The following FGF12 variants were observed in gnomAD, a reference collection of about 807,000 sequenced individuals.
The protein encoded by FGF12 is fibroblast growth factor 12.
Under a neutral mutation model 23.6 loss-of-function variants are expected in FGF12, and 14 were observed. The observed-to-expected ratio is 0.59, with a 90% CI of 0.39 to 0.93. The LOEUF is 0.93. Ranked by LOEUF, FGF12 falls within the 40% of genes least tolerant of loss-of-function variation. The pLI is 0.00. For missense variants in FGF12, 175 were observed against 217.8 expected (o/e 0.80, Z 1.24); for synonymous variants, 62 against 77.3 (o/e 0.80, Z 1.04).
intron 2 of FGF12, among the ~76,000 whole-genome samples, chr3:192,546,745 C>G (rs1725504110): frequency 9.4e-6 from 1 of 106,664 alleles, no homozygotes; most frequent in Non-Finnish European, 1.7e-5. Flanking sequence ...TAACCAATGA[C>G]TATTTACAAA....
intron 3 of FGF12, among the ~76,000 whole-genome samples, chr3:192,358,362 A>AAATTTATCTTAATAAAATATTAAGAT (rs1718568568): frequency 6.6e-6 from 1 of 151,134 alleles, no homozygotes; most frequent in Admixed American, 6.6e-5. Context: ...ACAATTTATT[A>AAATTTATCTTAATAAAATATTAAGAT]AATTTATCTT....
At chr3:192,147,250 G>A (rs529151422) in intron 5 of FGF12, among the ~76,000 whole-genome samples, 23 of 152,224 alleles carry the variant, frequency 1.5e-4, no homozygotes, top group Non-Finnish European at 2.8e-4. Context: ...ACAGGACCTA[G>A]GATTCAGTAA....
rs75940771 is a variant in FGF12, at chr3:192,263,650, G to A, written c.228+71711C>T. ...TTTTAATGCTCCATGAAGTTCTCAG[G>A]TGCAGCCAAGTTGAGAAACATTGAT... On this transcript the variant is annotated intron_variant, in intron 4 of 5. Transcript: ENST00000445105. Among the ~76,000 whole-genome samples the A allele has an allele frequency of 4.1e-3, 628 of 151,930 alleles. 22 individuals are homozygous for A. In the East Asian group the frequency reaches 0.09, roughly 22 times the overall value.
chr3:192,179,454 C>T (rs1716044590), intron 4 of FGF12, among the ~76,000 whole-genome samples: 1 of 152,028 alleles, frequency 6.6e-6, no homozygotes, highest in Non-Finnish European at 1.5e-5. Context: ...ATACTCAAAC[C>T]CTTGATTTTT....
At chr3:192,368,724 C>T (rs1719095227) in intron 2 of FGF12, among the ~76,000 whole-genome samples, 1 of 152,018 alleles carries the variant, frequency 6.6e-6, no homozygotes, top group South Asian at 2.1e-4. Context: ...ATGACCATGC[C>T]CATTCACTCA....
chr3:192,242,556 A>G (rs1719676580), intron 4 of FGF12, among the ~76,000 whole-genome samples: 1 of 152,182 alleles, frequency 6.6e-6, no homozygotes, highest in African/African-American at 2.4e-5. Flanking sequence ...AGTCAGGGAA[A>G]ATTTTAAAAA....
chr3:192,572,374 C>T (rs184484956), intron 2 of FGF12, among the ~76,000 whole-genome samples: 22 of 152,268 alleles, frequency 1.4e-4, no homozygotes, highest in South Asian at 8.3e-4. Flanking sequence ...TCATGCACAG[C>T]GTCAAGCTCC....
At chr3:192,201,700 TA>T (rs1258603838) in intron 4 of FGF12, among the ~76,000 whole-genome samples, 2 of 152,222 alleles carry the variant, frequency 1.3e-5, no homozygotes, top group Non-Finnish European at 2.9e-5. Context: ...ACACTTTTAC[TA>T]ACTTAAAATC....
At chr3:192,471,749 T>A (rs991872103) in intron 2 of FGF12, among the ~76,000 whole-genome samples, 1 of 152,208 alleles carries the variant, frequency 6.6e-6, no homozygotes, top group Non-Finnish European at 1.5e-5. Flanking sequence ...AAAATGAACA[T>A]GTGTAGCTGA....
At chr3:192,548,562 T>C (rs971848161) in intron 2 of FGF12, among the ~76,000 whole-genome samples, 4 of 152,154 alleles carry the variant, frequency 2.6e-5, no homozygotes, top group African/African-American at 9.7e-5. Context: ...TCACCTGTAT[T>C]TTCAGTGACA....
chr3:192,343,012 G>A (rs925384344), intron 3 of FGF12, among the ~76,000 whole-genome samples: 1 of 151,616 alleles, frequency 6.6e-6, no homozygotes, highest in Non-Finnish European at 1.5e-5. Context: ...AGAGAGGGAG[G>A]AAGAAGGGAG....
intron 2 of FGF12, among the ~76,000 whole-genome samples, chr3:192,722,060 T>C (rs1037782941): frequency 2.0e-5 from 3 of 152,188 alleles, no homozygotes. Flanking sequence ...TATTTATACC[T>C]CTGTCCCCCA....
At chr3:192,177,235 C>T (rs1715911589) in intron 4 of FGF12, among the ~76,000 whole-genome samples, 1 of 152,164 alleles carries the variant, frequency 6.6e-6, no homozygotes, top group African/African-American at 2.4e-5. Flanking sequence ...GATACGTTTA[C>T]TATACAGACT....
At chr3:192,676,429 G>C (rs1717329595) in intron 2 of FGF12, among the ~76,000 whole-genome samples, 1 of 152,226 alleles carries the variant, frequency 6.6e-6, no homozygotes, top group South Asian at 2.1e-4. Flanking sequence ...TAGTGGTAGA[G>C]CTGGCAAATT....
chr3:192,642,037 C>A (rs985123591), intron 2 of FGF12, among the ~76,000 whole-genome samples: 1 of 152,172 alleles, frequency 6.6e-6, no homozygotes, highest in Non-Finnish European at 1.5e-5. Flanking sequence ...ATTAGACATA[C>A]CCAGAACTTG....
intron 2 of FGF12, among the ~76,000 whole-genome samples, chr3:192,530,337 G>T (rs978238141): frequency 3.3e-5 from 5 of 152,040 alleles, no homozygotes; most frequent in African/African-American, 1.2e-4. Flanking sequence ...TAGAATTGTT[G>T]TCAGAATAAA....
chr3:192,165,199 C>A (rs1040262467), intron 5 of FGF12, among the ~76,000 whole-genome samples: 1 of 152,022 alleles, frequency 6.6e-6, no homozygotes, highest in African/African-American at 2.4e-5. Flanking sequence ...AAGTGATTCA[C>A]CTGCCTCGAC....
chr3:192,287,163 T>C (rs753826722), intron 4 of FGF12, among the ~76,000 whole-genome samples: 6 of 152,056 alleles, frequency 3.9e-5, no homozygotes, highest in Non-Finnish European at 8.8e-5. Context: ...TAACGTTCAA[T>C]GTTTAGATCT....
At chr3:192,173,506 G>C (rs937099589) in intron 4 of FGF12, among the ~76,000 whole-genome samples, 1 of 139,200 alleles carries the variant, frequency 7.2e-6, no homozygotes, top group Non-Finnish European at 1.6e-5. Context: ...CAATATAGAT[G>C]ATAATATTAA....
Sources: gnomAD v4.1 joint callset for allele counts (sites outside exome capture counted in the v4.1 genomes callset) on GRCh38, gnomAD v4.1.1 for gene constraint, MANE v1.5 for transcripts, NCBI Gene and HGNC (gene_info 2026-07-23, HGNC 2026-07-21) for gene names.